Variants in OGDH observed in about 807,000 individuals in gnomAD.
The protein encoded by OGDH is oxoglutarate dehydrogenase.
Under a neutral mutation model 116.6 loss-of-function variants are expected in OGDH, and 38 were observed. That is an observed-to-expected ratio of 0.33 (90% CI 0.25 to 0.43). The LOEUF is 0.43. Among genes scored for constraint, OGDH ranks in the 20% least tolerant of loss-of-function variants. The probability of loss-of-function intolerance (pLI) is 1.00; values close to 1 mark genes in which losing one functional copy is unlikely to be tolerated. For synonymous variants in OGDH, 488 were observed against 533.3 expected (o/e 0.92, Z 1.17); for missense variants, 825 against 1,357.2 (o/e 0.61, Z 6.16).
At chr7:44,639,694 G>A (rs1348366487) in intron 2 of OGDH, among the ~76,000 whole-genome samples, 3 of 152,178 alleles carry the variant, frequency 2.0e-5, no homozygotes, top group East Asian at 3.8e-4. Context: ...CTGTTGTTGG[G>A]TGTGGGGGCT....
chr7:44,672,251 C>T (rs969171101), intron 5 of OGDH, among the ~76,000 whole-genome samples: 6 of 152,078 alleles, frequency 3.9e-5, no homozygotes, highest in South Asian at 2.1e-4. Context: ...TTCATGGTCA[C>T]GGAGCTTGTG....
At chr7:44,638,427 A>G (rs1339120198) in intron 2 of OGDH, among the ~76,000 whole-genome samples, 1 of 152,204 alleles carries the variant, frequency 6.6e-6, no homozygotes, top group Non-Finnish European at 1.5e-5. Context: ...TTAGGTCTTC[A>G]GTGTGTTTGA....
At chr7:44,662,823 T>A (rs1191436483) in intron 4 of OGDH, among the ~76,000 whole-genome samples, 1 of 152,210 alleles carries the variant, frequency 6.6e-6, no homozygotes, top group Non-Finnish European at 1.5e-5. Flanking sequence ...TGAATTGTTT[T>A]CCCTATAGGT....
At position 44,634,402 on chromosome 7, in the gene OGDH, C is replaced by T. The variant is rs915531683; in HGVS notation, c.222+9837C>T. Among the ~76,000 whole-genome samples the T allele has an allele frequency of 8.5e-5, 13 of 152,340 alleles. No homozygotes were observed. The South Asian group carries it at 1.7e-3, about 19-fold the overall frequency. On this transcript the variant is annotated intron_variant, in intron 2 of 22. Transcript: ENST00000222673. Reference sequence around the variant, plus strand: ...CCCTCCACAGCTCTTTTCATAATGACCTGATAGAGCAGCCACCTTTAGTCT... The same window carrying T: ...CCCTCCACAGCTCTTTTCATAATGATCTGATAGAGCAGCCACCTTTAGTCT...
chr7:44,663,131 G>C (rs1463631851), intron 4 of OGDH, among the ~76,000 whole-genome samples: 1 of 151,924 alleles, frequency 6.6e-6, no homozygotes, highest in Non-Finnish European at 1.5e-5. Flanking sequence ...TTTCCTTTCT[G>C]TTCTTCAGAT....
Position 44,673,779 on chromosome 7 carries a change from TGGAA to T in OGDH, c.634-7_634-4del. The T allele has an allele frequency of 6.2e-7, 1 of 1,614,160 alleles. No homozygotes were observed. Among genetic ancestry groups the T allele is most frequent in the Non-Finnish European group, 8.5e-7 (1 of 1,179,968 alleles). Reference sequence around the variant, plus strand: ...ATCCCCTTGACTGTGTGTTTCTGTATGGAATAGATGGCCTACTGCCAGCATATTG... The same window carrying T: ...ATCCCCTTGACTGTGTGTTTCTGTATTAGATGGCCTACTGCCAGCATATTG... On this transcript the variant is annotated splice_polypyrimidine_tract_variant and splice_region_variant and intron_variant, in intron 5 of 22. Transcript: ENST00000222673.
At chr7:44,632,137 AC>A (rs957065196) in intron 2 of OGDH, among the ~76,000 whole-genome samples, 1 of 152,060 alleles carries the variant, frequency 6.6e-6, no homozygotes, top group African/African-American at 2.4e-5. Context: ...GGGAGCATGG[AC>A]CCCTCAGCAG....
chr7:44,673,519 G>A (rs1385013399), intron 5 of OGDH, among the ~76,000 whole-genome samples: 1 of 152,174 alleles, frequency 6.6e-6, no homozygotes, highest in Non-Finnish European at 1.5e-5. Context: ...AGTAGAACTG[G>A]GGTTGTCCCT....
intron 2 of OGDH, among the ~76,000 whole-genome samples, chr7:44,627,155 C>T (rs1785239412): frequency 6.6e-6 from 1 of 152,182 alleles, no homozygotes. Flanking sequence ...TGCCACCACG[C>T]CCGGCTAATT....
In OGDH at chr7:44,625,008, T is replaced by A. The variant is rs962182692; in HGVS notation, c.222+443T>A. 7.9e-5 allele frequency among the ~76,000 whole-genome samples: 12 copies of A among 152,216 alleles called. No homozygotes were observed. The East Asian group carries it at 1.5e-3, about 19-fold the overall frequency. On this transcript the variant is annotated intron_variant, in intron 2 of 22. Transcript: ENST00000222673. ...GGCCTTTTAGCTCATTATGTTCGTA[T>A]TTTTTTCCTGTTTGTTTCTAACTTC...
chr7:44,636,131 T>C (rs1296797046), intron 2 of OGDH, among the ~76,000 whole-genome samples: 2 of 152,212 alleles, frequency 1.3e-5, no homozygotes, highest in African/African-American at 4.8e-5. Context: ...ATGCAGTTCA[T>C]GGGAGGCAGA....
At chr7:44,616,285 C>T (rs1784764099) in intron 1 of OGDH, among the ~76,000 whole-genome samples, 2 of 152,148 alleles carry the variant, frequency 1.3e-5, no homozygotes, top group African/African-American at 4.8e-5. Context: ...TACACCCTCC[C>T]CAGTCAACCT....
intron 12 of OGDH, among the ~76,000 whole-genome samples, chr7:44,695,102 G>A (rs538602944): frequency 1.3e-4 from 19 of 151,226 alleles, no homozygotes; most frequent in Non-Finnish European, 2.4e-4. Context: ...TTTTTGTTTT[G>A]TTTTGTTTTT....
chr7:44,647,271 C>T (rs116934494), intron 3 of OGDH, among the ~76,000 whole-genome samples: 6,404 of 152,300 alleles, frequency 0.042, 179 homozygotes, highest in East Asian at 0.086. Flanking sequence ...CATTTATGCA[C>T]AATAGTGCTT....
At chr7:44,610,166 A>C (rs1378466828) in intron 1 of OGDH, among the ~76,000 whole-genome samples, 1 of 151,948 alleles carries the variant, frequency 6.6e-6, no homozygotes, top group Non-Finnish European at 1.5e-5. Context: ...TCATTTCGTA[A>C]TTAGATTGTT....
chr7:44,656,916 G>A (rs1249334543), intron 4 of OGDH, among the ~76,000 whole-genome samples: 5 of 152,208 alleles, frequency 3.3e-5, no homozygotes, highest in Non-Finnish European at 5.9e-5. Flanking sequence ...GAGTCGAAAT[G>A]CTGGGGGATC....
At chr7:44,698,390 G>T (rs898280264) in intron 18 of OGDH, 127 bp downstream of exon 18, 16 of 928,358 alleles carry the variant, frequency 1.7e-5, no homozygotes, top group Non-Finnish European at 1.8e-5. Context: ...CCATCCTGGG[G>T]AGCTCACGTG....
In OGDH at chr7:44,707,608, G is replaced by T; in HGVS notation, c.2823G>T (p.Leu941=). 1 of 1,614,042 alleles carries T rather than the reference G, an allele frequency of 6.2e-7. No individual in the cohort carries two copies. Among genetic ancestry groups the T allele is most frequent in the Non-Finnish European group, 8.5e-7 (1 of 1,180,022 alleles). The change falls in exon 22 of 23, where the codon CTG becomes CTT. Residue 941 remains leucine (L), a synonymous_variant. Transcript: ENST00000222673. This position sits in a 1 kb window ranked among gnomAD's most constrained non-coding sequence, Gnocchi z 5.2. ...TGTCGCCATTCCCCTTTGACCTCCT[G>T]CTGAAGGAGGTGCAGAAGTACCCCA... The part of the protein sequence containing the change: ...EQLSPFPFDL[L]LKEVQKYPNA...
chr7:44,612,674 C>T (rs940909771), intron 1 of OGDH, among the ~76,000 whole-genome samples: 1 of 151,708 alleles, frequency 6.6e-6, no homozygotes, highest in African/African-American at 2.4e-5. Context: ...TGAGCCACCA[C>T]GCCTGGCCAC....
Sources: allele counts gnomAD v4.1 joint callset (sites outside exome capture counted in the v4.1 genomes callset), GRCh38; gene constraint gnomAD v4.1.1; non-coding constraint Gnocchi (gnomAD v3.1); transcripts MANE v1.5; gene names NCBI Gene and HGNC (gene_info 2026-07-23, HGNC 2026-07-21).